The following SOX13 variants were observed in gnomAD, a reference collection of about 807,000 sequenced individuals.
SOX13 encodes SRY-box transcription factor 13, also known as transcription factor SOX-13.
Under a neutral mutation model 71.8 loss-of-function variants are expected in SOX13, and 28 were observed. The ratio of observed to expected loss-of-function variants is 0.39; its 90% confidence interval spans 0.29 to 0.53. SOX13 has a LOEUF of 0.53. Ranked by LOEUF, SOX13 falls within the 20% of genes least tolerant of loss-of-function variation. The pLI, the probability that SOX13 is intolerant of heterozygous loss-of-function variation, is 0.70. For synonymous variants in SOX13, 309 were observed against 317.8 expected (o/e 0.97, Z 0.29); for missense variants, 627 against 810.3 (o/e 0.77, Z 2.75).
rs1343352581 is a variant in SOX13, at chr1:204,114,332, T to G, written c.231T>G (p.Ser77=). ...AGTATGTCTTGCAGGACTGTAGCTC[T>G]CCAGAGGGTAATGGGTCCCCAGAAC... ...GNFRGSWDCS[S]PEGNGSPEPK... Residue 77 remains serine, a synonymous_variant, in exon 3 of 14, where the codon TCT becomes TCG. Transcript: ENST00000367204. 18 of 1,604,024 alleles carry G rather than the reference T, an allele frequency of 1.1e-5. No individual in the cohort carries two copies. The highest frequency in any genetic ancestry group is 1.5e-5 in the Non-Finnish European group (18 of 1,174,592).
chr1:204,085,770 C>A (rs1378176787), intron 1 of SOX13, among the ~76,000 whole-genome samples: 1 of 151,420 alleles, frequency 6.6e-6, no homozygotes, highest in Non-Finnish European at 1.5e-5. Flanking sequence ...GTCAGGAGAT[C>A]AAGACCATCC....
At chr1:204,091,402 T>C (rs1381834534) in intron 1 of SOX13, among the ~76,000 whole-genome samples, 2 of 152,182 alleles carry the variant, frequency 1.3e-5, no homozygotes, top group Non-Finnish European at 2.9e-5. Flanking sequence ...GATCTCTAGA[T>C]GTCTTTTTAA....
At position 204,126,436 on chromosome 1, in the gene SOX13, T is replaced by C. The variant is rs370213854; in HGVS notation, c.*302T>C. 18 of 414,508 alleles carry C rather than the reference T, an allele frequency of 4.3e-5. No individual in the cohort carries two copies. Among genetic ancestry groups the C allele is most frequent in the Middle Eastern group, 6.5e-4 (1 of 1,540 alleles). 25.7% of individuals were successfully genotyped at this position (414,508 alleles called of 1,614,324 possible). On this transcript the variant is annotated 3_prime_UTR_variant, in exon 14 of 14. Coordinates refer to ENST00000367204, the MANE Select transcript of SOX13 (RefSeq NM_005686.3). ...GACTCTCCTCTCCTGCAGGTGTCTA[T>C]CCACCTGGGGTATGGCATCTACCGA...
intron 1 of SOX13, among the ~76,000 whole-genome samples, chr1:204,096,864 TTTC>T (rs149134455): frequency 0.46 from 69,233 of 151,678 alleles, 17,027 homozygotes; most frequent in African/African-American, 0.65. Context: ...TTCTTCTCTT[TTTC>T]TTCTTCTTTC....
At position 204,116,662 on chromosome 1, in the gene SOX13, C is replaced by T. The variant is rs375534396; in HGVS notation, c.574C>T (p.Arg192Trp). ...EKQQQQMELA[R>W]QQQEQIAKQQ... ...GCAGCAGCAGCAGATGGAGCTTGCC[C>T]GGCAGCAGCAGGAGCAGGTAGGTCC... Residue 192 changes from arginine (R) to tryptophan (W), a missense_variant, in exon 5 of 14, where the codon CGG (arginine) becomes TGG (tryptophan). By Grantham distance (101) the Arg-to-Trp change is moderately radical (BLOSUM62 -3). This residue lies in a region of SOX13 where 447 missense variants were observed against 532.2 expected (regional missense o/e 0.84). Coordinates refer to ENST00000367204, the MANE Select transcript of SOX13 (RefSeq NM_005686.3). 5.0e-6 allele frequency: 8 copies of T among 1,613,526 alleles called. No individual in the cohort carries two copies. Among genetic ancestry groups the T allele is most frequent in the South Asian group, 2.2e-5 (2 of 91,060 alleles).
intron 1 of SOX13, among the ~76,000 whole-genome samples, chr1:204,084,594 G>T (rs953237055): frequency 1.3e-5 from 2 of 152,122 alleles, no homozygotes; most frequent in African/African-American, 2.4e-5. Flanking sequence ...AGGCTCAGCC[G>T]GGAGGGAGGC....
rs115396660 is a variant in SOX13, at chr1:204,125,515, A to T, written c.1593-343A>T. Reference sequence around the variant, plus strand: ...GAGGCTGACGCTGCAGTCAGCTGTGATTGTACCACTGTTCTCCAGCATGGG... The same window carrying T: ...GAGGCTGACGCTGCAGTCAGCTGTGTTTGTACCACTGTTCTCCAGCATGGG... On this transcript the variant is annotated intron_variant, in intron 13 of 13. Transcript: ENST00000367204. Among the ~76,000 whole-genome samples, 749 of 152,310 alleles carry T rather than the reference A, an allele frequency of 4.9e-3. 7 individuals carry two copies. Among genetic ancestry groups the T allele is most frequent in the African/African-American group, 0.017 (715 of 41,564 alleles).
chr1:204,118,660 A>AC (rs1656744580), intron 7 of SOX13: 1 of 152,198 alleles, frequency 6.6e-6, no homozygotes, highest in African/African-American at 2.4e-5. Flanking sequence ...CCAAATTCTA[A>AC]CAGCCACGAT....
intron 1 of SOX13, among the ~76,000 whole-genome samples, chr1:204,102,546 A>G (rs922317826): frequency 6.6e-6 from 1 of 151,926 alleles, no homozygotes; most frequent in Non-Finnish European, 1.5e-5. Context: ...TGGGGCTTCC[A>G]GGGTGGTTGG....
chr1:204,094,307 A>T (rs973781578), intron 1 of SOX13, among the ~76,000 whole-genome samples: 9 of 152,180 alleles, frequency 5.9e-5, no homozygotes, highest in Admixed American at 6.5e-5. Flanking sequence ...TTTCCACCGC[A>T]CACGCAGACC....
At chr1:204,124,947 T>G (rs1055050204) in intron 13 of SOX13, 90 bp downstream of exon 13, 2 of 940,814 alleles carry the variant, frequency 2.1e-6, no homozygotes, top group East Asian at 5.3e-5. Context: ...GGCCTGCCTT[T>G]GTGTGTGACC....
Position 204,122,222 on chromosome 1 carries a change from C to G in SOX13, c.862-15C>G. On this transcript the variant is annotated splice_polypyrimidine_tract_variant and intron_variant, in intron 8 of 13. Coordinates refer to ENST00000367204, the MANE Select transcript of SOX13 (RefSeq NM_005686.3). ...TTGGTGTCTGTCATCCTCTGACCTG[C>G]TGGGTCTCCCTCAGGAGCCCTCCCA... The G allele has an allele frequency of 6.4e-7, 1 of 1,557,564 alleles. No homozygotes were observed. The highest frequency in any genetic ancestry group is 8.7e-7 in the Non-Finnish European group (1 of 1,151,854).
At chr1:204,077,618 C>A (rs1309057616) in intron 1 of SOX13, among the ~76,000 whole-genome samples, 1 of 152,124 alleles carries the variant, frequency 6.6e-6, no homozygotes, top group Non-Finnish European at 1.5e-5. Context: ...TAATCTTGTA[C>A]AGAGAATTGT....
chr1:204,124,545 C>A, intron 12 of SOX13, 96 bp from the exon 13 acceptor site: 2 of 995,170 alleles, frequency 2.0e-6, no homozygotes, highest in Non-Finnish European at 3.0e-6. Flanking sequence ...TCTTATGGAC[C>A]CACCTGGGGA....
intron 1 of SOX13, among the ~76,000 whole-genome samples, chr1:204,090,425 TTG>T: frequency 6.6e-6 from 1 of 150,746 alleles, no homozygotes; most frequent in Non-Finnish European, 1.5e-5. Context: ...TTTTTTTTTT[TTG>T]AGATGTAGTC....
At position 204,123,051 on chromosome 1, in the gene SOX13, G is replaced by T. The variant is rs527873092; in HGVS notation, c.1135-61G>T. On this transcript the variant is annotated intron_variant, in intron 10 of 13. Coordinates refer to ENST00000367204, the MANE Select transcript of SOX13 (RefSeq NM_005686.3). The surrounding 1 kb of genome is among the most constrained non-coding windows in gnomAD (Gnocchi z 5.0). ...ACAGTCTGAGGCCACCAAGAGAGGAGCATGGGGAGGAGTGGGGTGATGCAG... is the reference window on the plus strand; with the variant it reads ...ACAGTCTGAGGCCACCAAGAGAGGATCATGGGGAGGAGTGGGGTGATGCAG... 1,277 of 1,522,722 alleles carry T rather than the reference G, an allele frequency of 8.4e-4. 2 individuals carry two copies. The highest frequency in any genetic ancestry group is 1.1e-3 in the Non-Finnish European group (1,213 of 1,099,504). 94.3% of individuals were successfully genotyped at this position (1,522,722 alleles called of 1,614,324 possible). A position where few individuals can be genotyped will look rare whatever the true frequency, so the allele number is the denominator to read the frequency against.
chr1:204,109,363 A>G (rs2102249749), intron 1 of SOX13, among the ~76,000 whole-genome samples: 1 of 152,354 alleles, frequency 6.6e-6, no homozygotes, highest in Non-Finnish European at 1.5e-5. Context: ...GACCGAACAC[A>G]TATAGGACAG....
chr1:204,087,069 A>T (rs554216402), intron 1 of SOX13, among the ~76,000 whole-genome samples: 2 of 152,066 alleles, frequency 1.3e-5, no homozygotes, highest in Non-Finnish European at 1.5e-5. Context: ...GACTACAGGC[A>T]CCCACCACCA....
intron 13 of SOX13, 96 bp from the exon 14 acceptor site, chr1:204,125,762 A>T (rs2102269501): frequency 1.5e-6 from 2 of 1,309,880 alleles, no homozygotes; most frequent in East Asian, 5.0e-5. Flanking sequence ...GAGTGTGTGG[A>T]GTGGGAGTGC....
Sources: gnomAD v4.1 joint callset for allele counts (sites outside exome capture counted in the v4.1 genomes callset) on GRCh38, gnomAD v4.1.1 for gene constraint, gnomAD v4.1.1 regional missense constraint, Gnocchi (gnomAD v3.1) non-coding constraint, MANE v1.5 for transcripts, NCBI Gene and HGNC (gene_info 2026-07-23, HGNC 2026-07-21) for gene names.